Variants in OTOG observed in about 807,000 individuals in gnomAD.
OTOG encodes the protein otogelin.
In OTOG, 296 loss-of-function variants were observed where a neutral mutation model predicts 313.8. The observed-to-expected ratio is 0.94, with a 90% confidence interval of 0.86 to 1.04. The LOEUF is 1.04. Among genes scored for constraint, OTOG ranks in the 50% least tolerant of loss-of-function variants. The probability of loss-of-function intolerance (pLI) is 0.00; values close to 1 mark genes in which losing one functional copy is unlikely to be tolerated. For missense variants in OTOG, 3,948 were observed against 3,840.1 expected, an observed-to-expected ratio of 1.03 and a Z score of -0.74; for synonymous variants, 1,533 against 1,554.9, an observed-to-expected ratio of 0.99 and a Z score of 0.33.
At chr11:17,607,997 T>C (rs1266417587) in intron 33 of OTOG, among the ~76,000 whole-genome samples, 1 of 152,102 alleles carries the variant, frequency 6.6e-6, no homozygotes, top group Non-Finnish European at 1.5e-5. Flanking sequence ...TCGGTCACCC[T>C]TCGAAACCTC....
In OTOG at chr11:17,574,782, C is replaced by A. The variant is rs552436806; in HGVS notation, c.2356C>A (p.Gln786Lys). 2 of 1,550,698 alleles carry A rather than the reference C, an allele frequency of 1.3e-6. No individual in the cohort carries two copies. The highest frequency in any genetic ancestry group is 2.4e-5 in the South Asian group (2 of 84,058). ...PCVAPCGRTC[Q>K]DLASPEACGV... The stretch of plus-strand genomic sequence containing the variant: ...CGTGGCCCCGTGTGGACGTACCTGC[C>A]AGGACCTGGCCAGCCCTGAGGCCTG... Residue 786 changes from glutamine to lysine, a missense_variant, in exon 20 of 56, where the codon CAG becomes AAG. By Grantham distance (53) the Gln-to-Lys change is moderately conservative. Transcript: ENST00000399397.
chr11:17,635,872 C>T (rs1336836904), intron 47 of OTOG, among the ~76,000 whole-genome samples, 161 bp downstream of exon 47: 3 of 152,200 alleles, frequency 2.0e-5, no homozygotes, highest in Non-Finnish European at 4.4e-5. Context: ...GCAGGCCCAC[C>T]TGAAGAAGCT....
At chr11:17,599,949 G>A (rs1159711603) in intron 31 of OTOG, among the ~76,000 whole-genome samples, 2 of 152,164 alleles carry the variant, frequency 1.3e-5, no homozygotes, top group African/African-American at 4.8e-5. Flanking sequence ...GACTGTGCTC[G>A]GCAGGGCAGC....
chr11:17,632,545 C>T (rs776810129), intron 42 of OTOG, among the ~76,000 whole-genome samples: 2 of 152,138 alleles, frequency 1.3e-5, no homozygotes, highest in East Asian at 1.9e-4. Flanking sequence ...CTGTAACCAT[C>T]GCCCCCGCCC....
Position 17,609,898 on chromosome 11 carries a change from C to G in OTOG, c.4598C>G (p.Pro1533Arg). 1 of 1,517,460 alleles carries G rather than the reference C, an allele frequency of 6.6e-7. No homozygotes were observed. Among genetic ancestry groups the G allele is most frequent in the Non-Finnish European group, 8.9e-7 (1 of 1,128,606 alleles). 94.0% of individuals were successfully genotyped at this position (1,517,460 alleles called of 1,614,324 possible). A position where few individuals can be genotyped will look rare whatever the true frequency, so the allele number is the denominator to read the frequency against. Reference protein sequence around the residue: ...PGPTQTTLQQPLELTASQLPA... With the variant: ...PGPTQTTLQQRLELTASQLPA... Reference sequence around the variant, plus strand: ...CCCACCCAGACCACCCTGCAGCAGCCACTGGAGCTCACTGCATCTCAACTC... The same window carrying G: ...CCCACCCAGACCACCCTGCAGCAGCGACTGGAGCTCACTGCATCTCAACTC... The change falls in exon 36 of 56, where the codon CCA (proline) becomes CGA (arginine). Residue 1533 changes from proline to arginine, a missense_variant. Transcript: ENST00000399397.
intron 7 of OTOG, among the ~76,000 whole-genome samples, chr11:17,556,544 C>A (rs1204835838): frequency 6.6e-6 from 1 of 152,216 alleles, no homozygotes; most frequent in Admixed American, 6.5e-5. Flanking sequence ...GGTGACCAAG[C>A]AATTGTTCTG....
rs558627527 is a variant in OTOG at position 17,559,845 on chromosome 11, G to C, written c.1342+183G>C. Among the ~76,000 whole-genome samples the C allele has an allele frequency of 2.0e-5, 3 of 146,804 alleles. No individual in the cohort carries two copies. In the East Asian group the frequency reaches 6.0e-4, roughly 30 times the overall value. On this transcript the variant is annotated intron_variant, in intron 12 of 55. Transcript: ENST00000399397. The stretch of plus-strand genomic sequence containing the variant: ...GAAGAAGGAAGGAGGAAGGAAAAAA[G>C]GAGGAAAGAAGGAAGGGAAGAAGGA...
At position 17,633,870 on chromosome 11, in the gene OTOG, G is replaced by C. The variant is rs1462059882; in HGVS notation, c.7263G>C (p.Lys2421Asn). 1 of 1,532,630 alleles carries C rather than the reference G, an allele frequency of 6.5e-7. No individual in the cohort carries two copies. The highest frequency in any genetic ancestry group is 2.5e-5 in the East Asian group (1 of 40,714). 94.9% of individuals were successfully genotyped at this position (1,532,630 alleles called of 1,614,324 possible). A position where few individuals can be genotyped will look rare whatever the true frequency, so the allele number is the denominator to read the frequency against. Residue 2421 changes from lysine to asparagine, a missense_variant, in exon 43 of 56, where the codon AAG (lysine) becomes AAC (asparagine). Coordinates refer to ENST00000399397, the MANE Select transcript of OTOG (RefSeq NM_001292063.2). ...CTGCACTCTGCATCCCGGAGGCCAAGTGCGGTAGGTTCCTCCCCTCCCTGA... is the reference window on the plus strand; with the variant it reads ...CTGCACTCTGCATCCCGGAGGCCAACTGCGGTAGGTTCCTCCCCTCCCTGA... Reference protein sequence around the residue: ...RHSALCIPEAKCACTDSMGVP... With the variant: ...RHSALCIPEANCACTDSMGVP...
At position 17,559,644 on chromosome 11, in the gene OTOG, G is replaced by A. The variant is rs1332672106; in HGVS notation, c.1324G>A (p.Gly442Ser). 10 of 1,550,662 alleles carry A rather than the reference G, an allele frequency of 6.4e-6. No homozygotes were observed. Among genetic ancestry groups the A allele is most frequent in the South Asian group, 5.9e-5 (5 of 84,058 alleles). Residue 442 changes from glycine (G) to serine (S), a missense_variant, in exon 12 of 56, where the codon GGC (glycine) becomes AGC (serine). By Grantham distance (56) the Gly-to-Ser change is moderately conservative. Coordinates refer to ENST00000399397, the MANE Select transcript of OTOG (RefSeq NM_001292063.2). Reference sequence around the variant, plus strand: ...GGACAGTGAGATCGCCTGTGTGGACGGCTGCTATTGCCCCAATGGTATGCT... The same window carrying A: ...GGACAGTGAGATCGCCTGTGTGGACAGCTGCTATTGCCCCAATGGTATGCT... ...CVDSEIACVD[G>S]CYCPNGLIFE...
rs1357790837 is a variant in OTOG, at chr11:17,593,602, C to T, written c.3142-8C>T. The T allele has an allele frequency of 2.6e-6, 4 of 1,548,700 alleles. No individual in the cohort carries two copies. The Admixed American group carries it at 7.8e-5, about 30-fold the overall frequency. ...TGGGCTCAGGACTGACCATCTCTGT[C>T]CCTCTAGAGTCCAGAGAGCTTCCTG... On this transcript the variant is annotated splice_polypyrimidine_tract_variant and splice_region_variant and intron_variant, in intron 26 of 55. Transcript: ENST00000399397.
At chr11:17,592,598 G>A (rs1470401264) in intron 25 of OTOG, among the ~76,000 whole-genome samples, 1 of 152,142 alleles carries the variant, frequency 6.6e-6, no homozygotes, top group African/African-American at 2.4e-5. Flanking sequence ...ATTCTACAAT[G>A]TGCTTTTTTT....
At chr11:17,591,022 G>C (rs1852918617) in intron 24 of OTOG, among the ~76,000 whole-genome samples, 1 of 152,160 alleles carries the variant, frequency 6.6e-6, no homozygotes. Flanking sequence ...TTTTTATTTA[G>C]TGTATCTCTT....
intron 15 of OTOG, 36 bp from the exon 16 acceptor site, chr11:17,569,120 A>G: frequency 6.5e-7 from 1 of 1,549,992 alleles, no homozygotes; most frequent in Admixed American, 2.0e-5. Context: ...GGAGGGTCAG[A>G]CCAACACTGC....
rs539236299 is a variant in OTOG at position 17,626,477 on chromosome 11, A to T, written c.6529-2656A>T. On this transcript the variant is annotated intron_variant, in intron 39 of 55. Transcript: ENST00000399397. Reference sequence around the variant, plus strand: ...AGGCATGAGCCACTGCACCCAGCCTATATGCCTATTTTTACGCCAGTACCA... The same window carrying T: ...AGGCATGAGCCACTGCACCCAGCCTTTATGCCTATTTTTACGCCAGTACCA... Among the ~76,000 whole-genome samples the T allele has an allele frequency of 7.2e-4, 110 of 152,322 alleles. 2 individuals carry two copies. Among genetic ancestry groups the T allele is most frequent in the African/African-American group, 2.4e-3 (100 of 41,578 alleles).
chr11:17,553,764 T>G (rs531058387), intron 6 of OTOG, among the ~76,000 whole-genome samples: 2 of 152,370 alleles, frequency 1.3e-5, no homozygotes, highest in East Asian at 1.9e-4. Flanking sequence ...AAGTGCATAC[T>G]GTACTCTTTT....
intron 28 of OTOG, among the ~76,000 whole-genome samples, chr11:17,595,408 A>G (rs1490616314): frequency 6.6e-6 from 1 of 152,230 alleles, no homozygotes; most frequent in Non-Finnish European, 1.5e-5. Context: ...CTACTGCTAT[A>G]TAAAAATTTT....
chr11:17,566,575 T>C (rs974350447), intron 15 of OTOG, among the ~76,000 whole-genome samples: 3 of 152,210 alleles, frequency 2.0e-5, no homozygotes, highest in Non-Finnish European at 4.4e-5. Context: ...TCCACATGGA[T>C]CATTCTAGCT....
chr11:17,601,169 A>G (rs1408484008), intron 31 of OTOG, among the ~76,000 whole-genome samples: 1 of 152,114 alleles, frequency 6.6e-6, no homozygotes, highest in South Asian at 2.1e-4. Context: ...AGTGGGGGTG[A>G]CAGATGTGGG....
chr11:17,553,071 C>T, intron 4 of OTOG, 48 bp from the exon 5 acceptor site: 1 of 1,529,764 alleles, frequency 6.5e-7, no homozygotes, highest in Non-Finnish European at 8.9e-7. Flanking sequence ...TCCCTGGGTT[C>T]TGCCAATCTC....
Sources: gnomAD v4.1 joint callset for allele counts (sites outside exome capture counted in the v4.1 genomes callset) on GRCh38, gnomAD v4.1.1 for gene constraint, MANE v1.5 for transcripts, NCBI Gene and HGNC (gene_info 2026-07-23, HGNC 2026-07-21) for gene names.